Variants in SH3GL2 observed in about 807,000 individuals in gnomAD.
SH3GL2 encodes endophilin-A1.
SH3GL2 carries 24 observed loss-of-function variants against 46.0 expected under a neutral mutation model. The ratio of observed to expected loss-of-function variants is 0.52; its 90% CI spans 0.38 to 0.73. The LOEUF is 0.73. Among genes scored for constraint, SH3GL2 ranks in the 30% least tolerant of loss-of-function variants. The pLI is 0.00. For missense variants in SH3GL2, 413 were observed against 424.2 expected, an observed-to-expected ratio of 0.97 and a Z score of 0.23; for synonymous variants, 196 against 147.1, an observed-to-expected ratio of 1.33 and a Z score of -2.40.
chr9:17,678,018 C>G (rs895131624), intron 1 of SH3GL2, among the ~76,000 whole-genome samples: 1 of 152,130 alleles, frequency 6.6e-6, no homozygotes, highest in Non-Finnish European at 1.5e-5. Context: ...TTTCTTAATC[C>G]AGTCTATCAT....
At chr9:17,592,606 C>T (rs1290000250) in intron 1 of SH3GL2, among the ~76,000 whole-genome samples, 2 of 152,072 alleles carry the variant, frequency 1.3e-5, no homozygotes, top group Non-Finnish European at 2.9e-5. Context: ...TCTAACAATA[C>T]CCTGAGATTT....
chr9:17,717,945 G>A (rs58753992), intron 1 of SH3GL2, among the ~76,000 whole-genome samples: 1,889 of 152,124 alleles, frequency 0.012, 53 homozygotes, highest in African/African-American at 0.043. Flanking sequence ...ATAAGTTTTA[G>A]TGTGTGCCAA....
At chr9:17,606,643 T>G (rs1818766412) in intron 1 of SH3GL2, among the ~76,000 whole-genome samples, 1 of 152,222 alleles carries the variant, frequency 6.6e-6, no homozygotes, top group Non-Finnish European at 1.5e-5. Flanking sequence ...TCTACAGATT[T>G]ACTTGATGTT....
chr9:17,706,116 T>C (rs1821467870), intron 1 of SH3GL2, among the ~76,000 whole-genome samples: 3 of 152,048 alleles, frequency 2.0e-5, no homozygotes, highest in African/African-American at 7.2e-5. Flanking sequence ...AAGTAATATA[T>C]TCTAAATAAA....
chr9:17,707,316 C>T (rs1821495695), intron 1 of SH3GL2, among the ~76,000 whole-genome samples: 1 of 151,976 alleles, frequency 6.6e-6, no homozygotes, highest in African/African-American at 2.4e-5. Flanking sequence ...TCTAAATCTT[C>T]CTCTTGGGGT....
intron 1 of SH3GL2, among the ~76,000 whole-genome samples, chr9:17,738,220 T>C (rs2118470928): frequency 6.6e-6 from 1 of 152,166 alleles, no homozygotes; most frequent in East Asian, 1.9e-4. Context: ...TTTGGTGGAT[T>C]TAATCTTAAG....
chr9:17,728,575 C>T (rs112158935), intron 1 of SH3GL2, among the ~76,000 whole-genome samples: 1 of 152,076 alleles, frequency 6.6e-6, no homozygotes, highest in African/African-American at 2.4e-5. Flanking sequence ...CTGCTGCACC[C>T]ATCAGCCTGT....
intron 1 of SH3GL2, chr9:17,589,897 C>T (rs1458292756): frequency 6.6e-6 from 1 of 152,164 alleles, no homozygotes; most frequent in African/African-American, 2.4e-5. Context: ...ATTCATGGAT[C>T]CTTAGCCCTG....
At chr9:17,793,579 A>G in intron 8 of SH3GL2, 82 bp downstream of exon 8, 1 of 1,363,756 alleles carries the variant, frequency 7.3e-7, no homozygotes, top group Non-Finnish European at 1.0e-6. Flanking sequence ...GGAATAGTCC[A>G]ATCTGGCTGC....
At chr9:17,661,257 G>A (rs149744004) in intron 1 of SH3GL2, among the ~76,000 whole-genome samples, 21 of 152,322 alleles carry the variant, frequency 1.4e-4, no homozygotes, top group African/African-American at 5.1e-4. Flanking sequence ...TTAGCCCTGT[G>A]CTGTTGATTT....
At chr9:17,720,507 C>G (rs1821868501) in intron 1 of SH3GL2, among the ~76,000 whole-genome samples, 1 of 152,048 alleles carries the variant, frequency 6.6e-6, no homozygotes, top group East Asian at 1.9e-4. Flanking sequence ...AACTCAGCAT[C>G]TGCCTTATTT....
intron 5 of SH3GL2, among the ~76,000 whole-genome samples, chr9:17,788,282 G>A (rs1194691672): frequency 2.6e-5 from 4 of 152,040 alleles, no homozygotes; most frequent in African/African-American, 9.7e-5. Context: ...ATCCAAAATA[G>A]AACTCTGACT....
chr9:17,758,431 G>A (rs887109873), intron 2 of SH3GL2, among the ~76,000 whole-genome samples: 1 of 151,564 alleles, frequency 6.6e-6, no homozygotes, highest in African/African-American at 2.4e-5. Flanking sequence ...GCATGGTGGT[G>A]CGTGCCTCTA....
At chr9:17,611,119 A>G in intron 1 of SH3GL2, among the ~76,000 whole-genome samples, 1 of 152,324 alleles carries the variant, frequency 6.6e-6, no homozygotes, top group Admixed American at 6.5e-5. Flanking sequence ...TTTGATGTTC[A>G]TAGAGTAGAC....
At chr9:17,589,733 C>T (rs1818446157) in intron 1 of SH3GL2, 1 of 152,244 alleles carries the variant, frequency 6.6e-6, no homozygotes, top group African/African-American at 2.4e-5. Flanking sequence ...CTACATGGTA[C>T]TTTGAAGTTG....
At chr9:17,781,534 T>C (rs907882348) in intron 3 of SH3GL2, among the ~76,000 whole-genome samples, 3 of 152,124 alleles carry the variant, frequency 2.0e-5, no homozygotes, top group Admixed American at 1.3e-4. Flanking sequence ...GCTTTGTACA[T>C]GTCTGTTATG....
intron 1 of SH3GL2, among the ~76,000 whole-genome samples, chr9:17,585,704 A>G (rs1163230107): frequency 6.6e-6 from 1 of 152,196 alleles, no homozygotes; most frequent in Non-Finnish European, 1.5e-5. Flanking sequence ...TGCAGTTCAC[A>G]GTGCGTTGCA....
intron 3 of SH3GL2, among the ~76,000 whole-genome samples, chr9:17,777,374 T>C (rs1002809877): frequency 6.6e-6 from 1 of 152,154 alleles, no homozygotes; most frequent in Non-Finnish European, 1.5e-5. Flanking sequence ...ATTCAGATAG[T>C]TTTAAAAAAT....
chr9:17,726,658 A>G (rs565422580), intron 1 of SH3GL2, among the ~76,000 whole-genome samples: 1 of 152,190 alleles, frequency 6.6e-6, no homozygotes, highest in South Asian at 2.1e-4. Context: ...TAGATGTGTG[A>G]TATGCCTAGG....
Sources: allele counts gnomAD v4.1 joint callset (sites outside exome capture counted in the v4.1 genomes callset), GRCh38; gene constraint gnomAD v4.1.1; transcripts MANE v1.5; gene names NCBI Gene and HGNC (gene_info 2026-07-23, HGNC 2026-07-21).